Variants in DEDD2 observed in about 807,000 individuals in gnomAD.
The protein encoded by DEDD2 is death effector domain containing 2.
DEDD2 carries 18 observed loss-of-function variants against 28.9 expected under a neutral mutation model. The observed-to-expected ratio is 0.62, with a 90% CI of 0.43 to 0.92. The LOEUF (loss-of-function observed/expected upper bound fraction) is 0.92, where lower values mean the gene tolerates loss of function less well. Among genes scored for constraint, DEDD2 ranks in the 40% least tolerant of loss-of-function variants. The probability of loss-of-function intolerance (pLI) is 0.00; values close to 1 mark genes in which losing one functional copy is unlikely to be tolerated. For synonymous variants in DEDD2, 211 were observed against 206.1 expected, an observed-to-expected ratio of 1.02 and a Z score of -0.20; for missense variants, 411 against 463.3, an observed-to-expected ratio of 0.89 and a Z score of 1.04.
rs1397403662 is a variant in DEDD2, at chr19:42,199,364, G to T, written c.*74C>A. The T allele has an allele frequency of 8.9e-6, 13 of 1,463,978 alleles. No individual in the cohort carries two copies. The allele number at this position is 1,463,978 out of a possible 1,614,324, so 90.7% of individuals were successfully genotyped here. On this transcript the variant is annotated 3_prime_UTR_variant, in exon 5 of 5. Coordinates refer to ENST00000596251, the MANE Select transcript of DEDD2 (RefSeq NM_133328.4). This position sits in a 1 kb window ranked among gnomAD's most constrained non-coding sequence, Gnocchi z 7.4. ...GATGCTAGAGTGACAGTCCTCTAGG[G>T]GTAGAGATGGTCGTCCTCCCAGGAG...
In DEDD2 at chr19:42,199,543, A is replaced by G; in HGVS notation, c.876T>C (p.Ala292=). ...EALREAVGRE[A]VRLLVSVDEA... ...CATCCACACTGACCAGCAGGCGAAC[A>G]GCCTCCCGGCCCACAGCCTCTCGCA... is the stretch of plus-strand genomic sequence containing the variant. Residue 292 remains alanine (A), a synonymous_variant, in exon 5 of 5, where the codon GCT becomes GCC. Transcript: ENST00000596251. This position sits in a 1 kb window ranked among gnomAD's most constrained non-coding sequence, Gnocchi z 7.4. 12 of 1,614,070 alleles carry G rather than the reference A, an allele frequency of 7.4e-6. No homozygotes were observed. The highest frequency in any genetic ancestry group is 1.0e-5 in the Non-Finnish European group (12 of 1,179,968).
chr19:42,209,605 G>T, intron 4 of DEDD2, 95 bp downstream of exon 4: 2 of 1,480,194 alleles, frequency 1.4e-6, no homozygotes, highest in Non-Finnish European at 1.8e-6. Flanking sequence ...CATCTGCCAA[G>T]TGTGTCACAT....
intron 1 of DEDD2, 51 bp from the exon 2 acceptor site, chr19:42,217,096 G>A: frequency 4.5e-6 from 6 of 1,344,274 alleles, no homozygotes; most frequent in South Asian, 2.5e-5. Context: ...GCGGAGGCCC[G>A]AACCCCACAC....
chr19:42,210,400 C>T (rs1288560900), intron 3 of DEDD2, among the ~76,000 whole-genome samples: 1 of 149,688 alleles, frequency 6.7e-6, no homozygotes, highest in Admixed American at 6.7e-5. Context: ...ACTTTTCATA[C>T]TTTTTTTTTT....
chr19:42,211,643 TACTG>T (rs2035769748), intron 3 of DEDD2, among the ~76,000 whole-genome samples: 1 of 152,240 alleles, frequency 6.6e-6, no homozygotes, highest in African/African-American at 2.4e-5. Flanking sequence ...TCAGCAGTTG[TACTG>T]ACTTTGTTAT....
chr19:42,199,663 C>T lies in DEDD2; in HGVS notation c.756G>A (p.Lys252=), dbSNP rs1290737807. ...RDLGSVVCDI[K]FSELSYLDAF... ...CGTCCAGATAGGAGAGCTCTGAGAA[C>T]TTGATGTCACAAACCACAGAGCCCA... is the stretch of plus-strand genomic sequence containing the variant. The change falls in exon 5 of 5, where the codon AAG becomes AAA. Residue 252 remains lysine, a synonymous_variant. Coordinates refer to ENST00000596251, the MANE Select transcript of DEDD2 (RefSeq NM_133328.4). The surrounding 1 kb of genome is among the most constrained non-coding windows in gnomAD (Gnocchi z 7.4). 6.2e-7 allele frequency: 1 copy of T among 1,614,036 alleles called. No individual in the cohort carries two copies. The highest frequency in any genetic ancestry group is 8.5e-7 in the Non-Finnish European group (1 of 1,179,990).
intron 4 of DEDD2, among the ~76,000 whole-genome samples, chr19:42,200,534 G>C (rs1313737596): frequency 6.6e-6 from 1 of 152,228 alleles, no homozygotes; most frequent in Non-Finnish European, 1.5e-5. Flanking sequence ...GCAGGGTCCT[G>C]ACCAGGCCCG....
At position 42,215,167 on chromosome 19, in the gene DEDD2, A is replaced by G. The variant is rs568273010; in HGVS notation, c.414T>C (p.Ser138=). Residue 138 remains serine, a synonymous_variant, in exon 3 of 5, where the codon AGT becomes AGC. Coordinates refer to ENST00000596251, the MANE Select transcript of DEDD2 (RefSeq NM_133328.4). ...GSCRRRRQSS[S]SANSQQGQWE... is the part of the protein sequence containing the mutation. Reference sequence around the variant, plus strand: ...ACTGACCCTGCTGAGAATTTGCAGAACTGCTTGACTGCCGACGGCGACGGC... The same window carrying G: ...ACTGACCCTGCTGAGAATTTGCAGAGCTGCTTGACTGCCGACGGCGACGGC... 3 of 1,614,140 alleles carry G rather than the reference A, an allele frequency of 1.9e-6. No individual in the cohort carries two copies. The African/African-American group carries it at 4.0e-5, about 22-fold the overall frequency.
chr19:42,219,497 G>A (rs991810942), upstream of DEDD2, among the ~76,000 whole-genome samples: 1 of 152,102 alleles, frequency 6.6e-6, no homozygotes, highest in Admixed American at 6.5e-5. Flanking sequence ...AACTACTCGG[G>A]AGGCTAAGGC....
In DEDD2 at chr19:42,216,899, G is replaced by T. The variant is rs771715406; in HGVS notation, c.109C>A (p.Leu37Met). 2 of 1,599,058 alleles carry T rather than the reference G, an allele frequency of 1.3e-6. No homozygotes were observed. The highest frequency in any genetic ancestry group is 1.7e-6 in the Non-Finnish European group (2 of 1,173,506). Reference protein sequence around the residue: ...HRMFEVVGGQLTECELELLAF... With the variant: ...HRMFEVVGGQMTECELELLAF... Reference sequence around the variant, plus strand: ...AGGAGCTCCAGCTCGCACTCGGTCAGTTGCCCGCCCACCACCTCGAACATA... The same window carrying T: ...AGGAGCTCCAGCTCGCACTCGGTCATTTGCCCGCCCACCACCTCGAACATA... Residue 37 changes from leucine to methionine, a missense_variant, in exon 2 of 5, where the codon CTG becomes ATG. This residue lies in a region of DEDD2 where 282 missense variants were observed against 273.4 expected (regional missense o/e 1.03). Transcript: ENST00000596251.
rs190106949 is a variant in DEDD2 at position 42,211,639 on chromosome 19, G to A, written c.449-1799C>T. 3.9e-5 allele frequency among the ~76,000 whole-genome samples: 6 copies of A among 152,332 alleles called. No individual in the cohort carries two copies. In the East Asian group the frequency reaches 1.2e-3, roughly 29 times the overall value. On this transcript the variant is annotated intron_variant, in intron 3 of 4. Coordinates refer to ENST00000596251, the MANE Select transcript of DEDD2 (RefSeq NM_133328.4). ...TTTCATTCACTAGATACAGTCAGCA[G>A]TTGTACTGACTTTGTTATTTTGATG...
intron 2 of DEDD2, among the ~76,000 whole-genome samples, chr19:42,215,808 C>G (rs912133008): frequency 7.2e-5 from 11 of 152,148 alleles, no homozygotes; most frequent in Non-Finnish European, 1.6e-4. Context: ...CAGCCTGAAC[C>G]CCTCCCAGCT....
At chr19:42,204,889 TTTCAACTCCTACTGAG>T (rs2035470813) in intron 4 of DEDD2, among the ~76,000 whole-genome samples, 1 of 152,144 alleles carries the variant, frequency 6.6e-6, no homozygotes, top group African/African-American at 2.4e-5. Context: ...ATGGAAAGTT[TTTCAACTCCTACTGAG>T]TTCAACTCCT....
At chr19:42,209,261 G>T (rs1009689491) in intron 4 of DEDD2, among the ~76,000 whole-genome samples, 1 of 150,376 alleles carries the variant, frequency 6.6e-6, no homozygotes, top group Non-Finnish European at 1.5e-5. Flanking sequence ...GAAAAGAAAA[G>T]AAACGAAACT....
chr19:42,213,072 A>G (rs2035830947), intron 3 of DEDD2, among the ~76,000 whole-genome samples: 1 of 152,208 alleles, frequency 6.6e-6, no homozygotes, highest in African/African-American at 2.4e-5. Context: ...GAAAGTTCAA[A>G]GTCAGCCCAG....
chr19:42,209,366 G>GC (rs1218666078), intron 4 of DEDD2, among the ~76,000 whole-genome samples: 4 of 152,274 alleles, frequency 2.6e-5, no homozygotes, highest in Admixed American at 6.5e-5. Flanking sequence ...CAGGATCGTT[G>GC]TTTTTTTACC....
intron 3 of DEDD2, among the ~76,000 whole-genome samples, chr19:42,210,963 G>C (rs947666284): frequency 6.6e-6 from 1 of 151,368 alleles, no homozygotes; most frequent in African/African-American, 2.4e-5. Flanking sequence ...CCAGCTACTG[G>C]GGAAGCTGAG....
intron 3 of DEDD2, among the ~76,000 whole-genome samples, chr19:42,214,129 T>C (rs951281765): frequency 2.6e-5 from 4 of 152,222 alleles, no homozygotes; most frequent in Non-Finnish European, 5.9e-5. Flanking sequence ...TGTACTAATC[T>C]TTCAACTTGT....
chr19:42,215,158 AT>A lies in DEDD2; in HGVS notation c.422del (p.Asn141IlefsTer54). ...CTGTCTCCCACTGACCCTGCTGAGAATTTGCAGAACTGCTTGACTGCCGACG... is the reference window on the plus strand; with the variant it reads ...CTGTCTCCCACTGACCCTGCTGAGAATTGCAGAACTGCTTGACTGCCGACG... ...RRRRQSSSSA[N>X]SQQGQWETGS... is the part of the protein sequence containing the mutation. On this transcript the variant is annotated frameshift_variant, in exon 3 of 5. Transcript: ENST00000596251. LOFTEE classifies it high-confidence loss of function. 1 of 1,614,128 alleles carries A rather than the reference AT, an allele frequency of 6.2e-7. No homozygotes were observed. Among genetic ancestry groups the A allele is most frequent in the Non-Finnish European group, 8.5e-7 (1 of 1,180,018 alleles).
Sources: allele counts gnomAD v4.1 joint callset (sites outside exome capture counted in the v4.1 genomes callset), GRCh38; gene constraint gnomAD v4.1.1; regional missense constraint gnomAD v4.1.1; non-coding constraint Gnocchi (gnomAD v3.1); transcripts MANE v1.5; gene names NCBI Gene and HGNC (gene_info 2026-07-23, HGNC 2026-07-21).